Variants in LAMC2 observed in about 807,000 individuals in gnomAD.
LAMC2 encodes laminin subunit gamma-2.
LAMC2 carries 97 observed loss-of-function variants against 140.2 expected under a neutral mutation model. That is an observed-to-expected ratio of 0.69 (90% CI 0.59 to 0.82). The LOEUF (loss-of-function observed/expected upper bound fraction) is 0.82, where lower values mean the gene tolerates loss of function less well. Ranked by LOEUF, LAMC2 falls within the 40% of genes least tolerant of loss-of-function variation. The pLI, the probability that LAMC2 is intolerant of heterozygous loss-of-function variation, is 0.00. For missense variants in LAMC2, 1,402 were observed against 1,476.1 expected (o/e 0.95, Z 0.82); for synonymous variants, 513 against 540.2 (o/e 0.95, Z 0.70).
At position 183,240,190 on chromosome 1, in the gene LAMC2, G is replaced by A. The variant is rs1345144181; in HGVS notation, c.3220G>A (p.Val1074Ile). Residue 1074 changes from valine (V) to isoleucine (I), a missense_variant, in exon 21 of 23, where the codon GTA (valine) becomes ATA (isoleucine). Coordinates refer to ENST00000264144, the MANE Select transcript of LAMC2 (RefSeq NM_005562.3). ...ELEFDTNMDAVQMVITEAQKV... is the reference protein window; with the variant it reads ...ELEFDTNMDAIQMVITEAQKV... ...GGAGTTTGACACGAATATGGATGCA[G>A]TACAGATGGTGAGTTCCTGTTGCTT... is the stretch of plus-strand genomic sequence containing the variant. The A allele has an allele frequency of 6.2e-7, 1 of 1,614,112 alleles. No homozygotes were observed. Among genetic ancestry groups the A allele is most frequent in the Non-Finnish European group, 8.5e-7 (1 of 1,180,056 alleles).
chr1:183,195,853 C>T (rs994937074), intron 1 of LAMC2, among the ~76,000 whole-genome samples: 6 of 151,878 alleles, frequency 4.0e-5, no homozygotes, highest in African/African-American at 4.8e-5. Flanking sequence ...CTGCTTAAGC[C>T]GACAAACATA....
rs747714565 is a variant in LAMC2, at chr1:183,207,878, C to T, written c.80-3C>T. On this transcript the variant is annotated splice_region_variant and splice_polypyrimidine_tract_variant and intron_variant, in intron 1 of 22. Transcript: ENST00000264144. ...CGATCTCTTTTGTATGCTTCCTCCC[C>T]AGTCTGTGATTGCAATGGGAAGTCC... 1.9e-6 allele frequency: 3 copies of T among 1,609,866 alleles called. No homozygotes were observed. Among genetic ancestry groups the T allele is most frequent in the African/African-American group, 2.7e-5 (2 of 74,120 alleles).
chr1:183,230,842 A>C (rs766667275), intron 11 of LAMC2, 119 bp from the exon 12 acceptor site: 9 of 1,142,662 alleles, frequency 7.9e-6, no homozygotes, highest in Non-Finnish European at 1.2e-5. Flanking sequence ...AAGAAGGTGC[A>C]TGGAGGTATA....
At chr1:183,206,782 C>T (rs973754126) in intron 1 of LAMC2, among the ~76,000 whole-genome samples, 5 of 152,176 alleles carry the variant, frequency 3.3e-5, no homozygotes, top group Admixed American at 6.5e-5. Context: ...GGTTAAGTCA[C>T]GCCCTAGAAA....
At chr1:183,211,964 C>G (rs1335740541) in intron 2 of LAMC2, among the ~76,000 whole-genome samples, 2 of 151,768 alleles carry the variant, frequency 1.3e-5, no homozygotes, top group Admixed American at 6.6e-5. Flanking sequence ...TTCACAATCC[C>G]TAAGTACAGT....
chr1:183,240,460 T>C, intron 22 of LAMC2, 69 bp downstream of exon 22: 1 of 1,585,352 alleles, frequency 6.3e-7, no homozygotes, highest in Non-Finnish European at 8.6e-7. Context: ...ACACTCACTA[T>C]ACCTAGCCCC....
intron 22 of LAMC2, 145 bp from the exon 23 acceptor site, chr1:183,243,002 A>T: frequency 1.1e-6 from 1 of 897,330 alleles, no homozygotes; most frequent in Non-Finnish European, 1.7e-6. Context: ...TTTCTAATTT[A>T]AAATAAGCTT....
In LAMC2 at chr1:183,222,222, A is replaced by T. The variant is rs371544917; in HGVS notation, c.763+11A>T. The stretch of plus-strand genomic sequence containing the variant: ...ATTTTGTGGCTCCTGGTATGTGAGG[A>T]ATAATGTCTCCTATAGAGGCCAGCT... On this transcript the variant is annotated intron_variant, in intron 6 of 22. Transcript: ENST00000264144. The T allele has an allele frequency of 5.0e-6, 8 of 1,613,720 alleles. No homozygotes were observed. Among genetic ancestry groups the T allele is most frequent in the African/African-American group, 4.0e-5 (3 of 74,904 alleles).
chr1:183,203,167 C>G (rs1189503363), intron 1 of LAMC2, among the ~76,000 whole-genome samples: 1 of 152,100 alleles, frequency 6.6e-6, no homozygotes, highest in African/African-American at 2.4e-5. Flanking sequence ...ATACACAAAG[C>G]TGGATTTCTG....
At chr1:183,202,181 G>A (rs570415) in intron 1 of LAMC2, among the ~76,000 whole-genome samples, 44,370 of 150,362 alleles carry the variant, frequency 0.3, 7,004 homozygotes, top group East Asian at 0.41. Flanking sequence ...GTGACAGAAT[G>A]AGACTGTCTC....
In LAMC2 at chr1:183,199,104, T is replaced by C. The variant is rs541183313; in HGVS notation, c.80-8777T>C. ...AGGTTCTTGTTGGCTTTTCTTTTTTTTTTTTTTTTTTTTTTTTTGAGACAG... is the reference window on the plus strand; with the variant it reads ...AGGTTCTTGTTGGCTTTTCTTTTTTCTTTTTTTTTTTTTTTTTTGAGACAG... On this transcript the variant is annotated intron_variant, in intron 1 of 22. Transcript: ENST00000264144. Among the ~76,000 whole-genome samples the C allele has an allele frequency of 2.3e-3, 311 of 134,814 alleles. 1 individual carries two copies. The highest frequency in any genetic ancestry group is 8.3e-3 in the African/African-American group (301 of 36,196). 88.4% of individuals were successfully genotyped at this position (134,814 alleles called of 152,430 possible). A position where few individuals can be genotyped will look rare whatever the true frequency, so the allele number is the denominator to read the frequency against.
intron 1 of LAMC2, among the ~76,000 whole-genome samples, chr1:183,204,039 C>T (rs1378857280): frequency 1.3e-5 from 2 of 152,146 alleles, no homozygotes; most frequent in African/African-American, 4.8e-5. Context: ...CCTGTAATTC[C>T]AGCACTTTGG....
the LAMC2 span, chr1:183,251,435 G>C: frequency 6.6e-6 from 1 of 152,216 alleles, no homozygotes; most frequent in Non-Finnish European, 1.5e-5. Flanking sequence ...ACATTTCCCA[G>C]CCCAACAGAC....
the LAMC2 span, among the ~76,000 whole-genome samples, chr1:183,255,204 T>C: frequency 6.6e-6 from 1 of 152,224 alleles, no homozygotes; most frequent in South Asian, 2.1e-4. Context: ...TTTGGTACCT[T>C]TGTCAAAAAT....
At chr1:183,253,726 C>T in the LAMC2 span, among the ~76,000 whole-genome samples, 4 of 152,192 alleles carry the variant, frequency 2.6e-5, no homozygotes, top group South Asian at 8.3e-4. Flanking sequence ...ACACTTGACC[C>T]TGGTAATCAT....
chr1:183,237,757 G>A (rs1660011967), intron 18 of LAMC2, among the ~76,000 whole-genome samples: 1 of 152,126 alleles, frequency 6.6e-6, no homozygotes. Flanking sequence ...ATGATGACAC[G>A]TGCCTATAGT....
At chr1:183,232,604 A>T in intron 13 of LAMC2, 48 bp from the exon 14 acceptor site, 1 of 1,529,520 alleles carries the variant, frequency 6.5e-7, no homozygotes, top group Non-Finnish European at 9.0e-7. Context: ...TGCTAACTCT[A>T]TGCTGACCCA....
chr1:183,230,734 G>A (rs1322673417), intron 11 of LAMC2, among the ~76,000 whole-genome samples: 1 of 152,204 alleles, frequency 6.6e-6, no homozygotes, highest in Non-Finnish European at 1.5e-5. Context: ...TAGTTTAACA[G>A]GGGGAGGAAA....
intron 4 of LAMC2, among the ~76,000 whole-genome samples, chr1:183,219,741 A>G (rs1279232722): frequency 6.6e-6 from 1 of 152,208 alleles, no homozygotes; most frequent in African/African-American, 2.4e-5. Context: ...AAGCTTGTTT[A>G]GTTACAACTG....
Sources: gnomAD v4.1 joint callset for allele counts (sites outside exome capture counted in the v4.1 genomes callset) on GRCh38, gnomAD v4.1.1 for gene constraint, MANE v1.5 for transcripts, NCBI Gene and HGNC (gene_info 2026-07-23, HGNC 2026-07-21) for gene names.